Variants in KANTR observed in about 807,000 individuals in gnomAD.
KANTR encodes the protein KDM5C adjacent transcript.
rs782106333 is a variant in KANTR at position 53,133,667 on chromosome X, G to A, written n.204-8181G>A. 2.7e-5 allele frequency among the ~76,000 whole-genome samples: 3 copies of A among 111,963 alleles called. No individual in the cohort carries two copies. In the East Asian group the frequency reaches 8.5e-4, roughly 32 times the overall value. On this transcript the variant is annotated intron_variant and non_coding_transcript_variant, in intron 2 of 2. Coordinates refer to the KANTR transcript ENST00000366185. ...TTTCACCACACAGAAGTTGCCTGCT[G>A]TGATCTACTATTGAGGGTGGGGGCT...
intron 2 of KANTR, among the ~76,000 whole-genome samples, chrX:53,132,876 A>G (rs185175264): frequency 8.9e-6 from 1 of 112,064 alleles, no homozygotes; most frequent in East Asian, 2.8e-4. Context: ...ATGATCTTCA[A>G]CACGTAGCAC....
intron 2 of KANTR, among the ~76,000 whole-genome samples, chrX:53,114,495 C>T (rs1933094544): frequency 8.9e-6 from 1 of 112,734 alleles, no homozygotes; most frequent in African/African-American, 3.2e-5. Flanking sequence ...GGCCATCTGG[C>T]ATGTTCTGTG....
At chrX:53,143,027 CTG>C (rs1933525138), downstream of KANTR, 1 of 1,197,170 alleles carries the variant, frequency 8.4e-7, no homozygotes, top group African/African-American at 1.8e-5. Flanking sequence ...CTGGACAGCA[CTG>C]TGTTGGCGTA....
At chrX:53,099,304 C>T (rs782665123) in intron 1 of KANTR, among the ~76,000 whole-genome samples, 168 bp from the exon 2 acceptor site, 12 of 110,988 alleles carry the variant, frequency 1.1e-4, no homozygotes, top group Non-Finnish European at 2.1e-4. Flanking sequence ...ACCTGGGAGA[C>T]GGAGGTTGCA....
intron 2 of KANTR, among the ~76,000 whole-genome samples, chrX:53,133,223 C>A (rs1228427028): frequency 9.1e-6 from 1 of 109,452 alleles, no homozygotes; most frequent in Non-Finnish European, 1.9e-5. Flanking sequence ...CAAAATTAGC[C>A]AAATGTGGTG....
At chrX:53,103,290 G>C (rs1400855163) in intron 2 of KANTR, among the ~76,000 whole-genome samples, 1 of 111,061 alleles carries the variant, frequency 9.0e-6, no homozygotes, top group Non-Finnish European at 1.9e-5. Context: ...CCTTGTCCTT[G>C]TCAGTACCTG....
At chrX:53,143,018 T>A, downstream of KANTR, 1 of 1,183,166 alleles carries the variant, frequency 8.5e-7, no homozygotes, top group Non-Finnish European at 1.1e-6. Flanking sequence ...GTGGTGCTGC[T>A]GGACAGCACT....
intron 2 of KANTR, among the ~76,000 whole-genome samples, chrX:53,100,390 G>A (rs781896198): frequency 9.0e-5 from 10 of 110,794 alleles, no homozygotes; most frequent in Non-Finnish European, 1.9e-4. Context: ...TGAGGCAGGA[G>A]AATCACTTGA....
chrX:53,136,306 T>C (rs782693922), intron 2 of KANTR, among the ~76,000 whole-genome samples: 1 of 110,223 alleles, frequency 9.1e-6, no homozygotes, highest in Non-Finnish European at 1.9e-5. Flanking sequence ...TGATGCGATC[T>C]CAGCTCACTG....
intron 2 of KANTR, among the ~76,000 whole-genome samples, chrX:53,110,445 AC>A (rs1470152388): frequency 1.8e-5 from 2 of 112,083 alleles, no homozygotes; most frequent in Non-Finnish European, 3.8e-5. Context: ...TGTTGAACCA[AC>A]CTTGCATCCT....
At chrX:53,106,006 C>T (rs782491883) in intron 2 of KANTR, among the ~76,000 whole-genome samples, 2 of 105,053 alleles carry the variant, frequency 1.9e-5, no homozygotes, top group Non-Finnish European at 3.9e-5. Context: ...TACAGGCGCC[C>T]GCCACCATGC....
chrX:53,144,277 C>G (rs782517287), downstream of KANTR, among the ~76,000 whole-genome samples: 1 of 111,283 alleles, frequency 9.0e-6, no homozygotes. Context: ...TGCCTGTAGT[C>G]CCAGCTACCC....
chrX:53,136,731 T>TATATATATATATATATATATATA (rs1491428007), intron 2 of KANTR, among the ~76,000 whole-genome samples: 36 of 50,033 alleles, frequency 7.2e-4, no homozygotes, highest in Non-Finnish European at 9.7e-4. Flanking sequence ...TATATATATA[T>TATATATATATATATATATATATA]TTTGTTTGTT....
At chrX:53,117,384 A>G (rs1386569096) in intron 2 of KANTR, among the ~76,000 whole-genome samples, 1 of 110,535 alleles carries the variant, frequency 9.0e-6, no homozygotes, top group Non-Finnish European at 1.9e-5. Context: ...AACATTAATG[A>G]TATCATCTAC....
At chrX:53,136,830 C>G (rs1439813825) in intron 2 of KANTR, among the ~76,000 whole-genome samples, 1 of 96,017 alleles carries the variant, frequency 1.0e-5, no homozygotes, top group Non-Finnish European at 2.1e-5. Context: ...CGCAACCTCC[C>G]TCTCCTAGGT....
At chrX:53,108,559 G>A (rs1451093924) in intron 2 of KANTR, among the ~76,000 whole-genome samples, 1 of 111,752 alleles carries the variant, frequency 8.9e-6, no homozygotes, top group Non-Finnish European at 1.9e-5. Context: ...ATAGATTTTT[G>A]TTTATTGATC....
chrX:53,096,580 C>A (rs1227330329), intron 1 of KANTR, among the ~76,000 whole-genome samples: 2 of 112,352 alleles, frequency 1.8e-5, no homozygotes, highest in African/African-American at 6.5e-5. Context: ...AATCCCAGCA[C>A]TTTGGGAGGC....
At chrX:53,121,579 C>T (rs1556815522) in intron 2 of KANTR, among the ~76,000 whole-genome samples, 2 of 96,441 alleles carry the variant, frequency 2.1e-5, no homozygotes, top group African/African-American at 7.2e-5. Flanking sequence ...TGGTCTATGA[C>T]AGTTTCTCAG....
At chrX:53,115,164 G>A (rs181566684) in intron 2 of KANTR, among the ~76,000 whole-genome samples, 62 of 112,500 alleles carry the variant, frequency 5.5e-4, no homozygotes, top group Non-Finnish European at 7.9e-4. Context: ...TCCTGGTGTC[G>A]GGGCAGGCCT....
Sources: allele counts gnomAD v4.1 joint callset (sites outside exome capture counted in the v4.1 genomes callset), GRCh38; gene constraint gnomAD v4.1.1; transcripts MANE v1.5; gene names NCBI Gene and HGNC (gene_info 2026-07-23, HGNC 2026-07-21).